PCDHA2: variants seen among roughly 807,000 people sequenced by gnomAD.
The protein encoded by PCDHA2 is protocadherin alpha-2.
In PCDHA2, 58 loss-of-function variants were observed where a neutral mutation model predicts 66.0. The ratio of observed to expected loss-of-function variants is 0.88; its 90% CI spans 0.71 to 1.09. The LOEUF is 1.09. PCDHA2 is among the 50% of genes least tolerant of loss of function. The probability of loss-of-function intolerance (pLI) is 0.00; values close to 1 mark genes in which losing one functional copy is unlikely to be tolerated. For synonymous variants in PCDHA2, 634 were observed against 554.0 expected (o/e 1.14, Z -2.03); for missense variants, 1,267 against 1,242.3 (o/e 1.02, Z -0.30).
chr5:140,868,762 A>G (rs2050634437), intron 1 of PCDHA2: 1 of 233,926 alleles, frequency 4.3e-6, no homozygotes, highest in African/African-American at 2.3e-5. Flanking sequence ...ATATATATTT[A>G]GTTTCAATAT....
chr5:141,009,580 G>A (rs1554262213), intron 3 of PCDHA2, 47 bp from the exon 4 acceptor site: 1 of 1,588,170 alleles, frequency 6.3e-7, no homozygotes, highest in South Asian at 1.2e-5. Flanking sequence ...GTGGCATCAA[G>A]AGCATGTGTT....
Position 140,858,344 on chromosome 5 carries a change from G to A in PCDHA2, c.2388+60992G>A, listed in dbSNP as rs371621182. 1.0e-5 allele frequency: 16 copies of A among 1,595,144 alleles called. No homozygotes were observed. In the East Asian group the frequency reaches 3.6e-4, roughly 36 times the overall value. On this transcript the variant is annotated intron_variant, in intron 1 of 3. Coordinates refer to ENST00000526136, the MANE Select transcript of PCDHA2 (RefSeq NM_018905.3). Reference sequence around the variant, plus strand: ...TTCTGGGGAGGGCCTGCCCAAGGCGGACCTCATGGCCTTCAGCCCCAGCCT... The same window carrying A: ...TTCTGGGGAGGGCCTGCCCAAGGCGAACCTCATGGCCTTCAGCCCCAGCCT...
chr5:140,828,250 G>T, intron 1 of PCDHA2: 5 of 1,613,982 alleles, frequency 3.1e-6, no homozygotes, highest in Non-Finnish European at 4.2e-6. Flanking sequence ...AGGACCTGGG[G>T]CTGGAGCTGG....
intron 1 of PCDHA2, among the ~76,000 whole-genome samples, chr5:140,880,234 G>T (rs560785672): frequency 1.8e-4 from 28 of 152,250 alleles, no homozygotes; most frequent in Non-Finnish European, 2.8e-4. Context: ...TTAAATTAGT[G>T]TATGTGCGTG....
intron 1 of PCDHA2, among the ~76,000 whole-genome samples, chr5:140,904,286 T>A (rs2071021710): frequency 6.6e-6 from 1 of 152,150 alleles, no homozygotes; most frequent in South Asian, 2.1e-4. Context: ...ATGTGGTGTT[T>A]GGTTTTCCAT....
chr5:140,967,903 A>G, intron 1 of PCDHA2: 1 of 1,614,112 alleles, frequency 6.2e-7, no homozygotes, highest in African/African-American at 1.3e-5. Context: ...AGAATGCTAC[A>G]CCCAACACCA....
At chr5:140,948,708 C>T (rs1376587735) in intron 1 of PCDHA2, among the ~76,000 whole-genome samples, 1 of 151,114 alleles carries the variant, frequency 6.6e-6, no homozygotes, top group Non-Finnish European at 1.5e-5. Flanking sequence ...TGTGTTCTAT[C>T]CTCTTTTTTA....
At chr5:140,835,792 C>T in intron 1 of PCDHA2, 6 of 1,613,122 alleles carry the variant, frequency 3.7e-6, no homozygotes, top group African/African-American at 1.3e-5. Context: ...AACAACCCGC[C>T]GGGCTGCCAC....
chr5:140,830,147 G>C, intron 1 of PCDHA2: 1 of 1,613,286 alleles, frequency 6.2e-7, no homozygotes, highest in Non-Finnish European at 8.5e-7. Flanking sequence ...GTCGGTGGGC[G>C]CCGCGGGCCC....
At chr5:140,981,692 T>C (rs1168412872) in intron 2 of PCDHA2, among the ~76,000 whole-genome samples, 1 of 150,826 alleles carries the variant, frequency 6.6e-6, no homozygotes, top group Non-Finnish European at 1.5e-5. Flanking sequence ...CTTCCATCAT[T>C]CATTCATTCA....
At chr5:140,797,845 A>G (rs1311716137) in intron 1 of PCDHA2, among the ~76,000 whole-genome samples, 1 of 150,054 alleles carries the variant, frequency 6.7e-6, no homozygotes, top group Non-Finnish European at 1.5e-5. Context: ...AATAAGCTAC[A>G]TTTTTTTTTT....
intron 1 of PCDHA2, chr5:140,808,827 G>A: frequency 1.2e-6 from 2 of 1,612,876 alleles, no homozygotes; most frequent in South Asian, 1.1e-5. Flanking sequence ...CCTCTGGGCA[G>A]CAACGTGACG....
chr5:140,866,964 C>T (rs1197921114), intron 1 of PCDHA2: 1 of 152,102 alleles, frequency 6.6e-6, no homozygotes, highest in East Asian at 1.9e-4. Flanking sequence ...GAGATGGTGA[C>T]ATCTGAAATA....
intron 3 of PCDHA2, among the ~76,000 whole-genome samples, chr5:140,984,397 G>A (rs1400095442): frequency 1.3e-5 from 2 of 152,112 alleles, no homozygotes; most frequent in African/African-American, 4.8e-5. Context: ...AAAATGTTGA[G>A]AACCTATCTT....
chr5:140,956,189 A>C (rs2095264873), intron 1 of PCDHA2, among the ~76,000 whole-genome samples: 1 of 152,142 alleles, frequency 6.6e-6, no homozygotes, highest in South Asian at 2.1e-4. Context: ...ACTATGCTGA[A>C]TAGGAGTGGT....
At chr5:140,808,543 T>C (rs143191768) in intron 1 of PCDHA2, 21 of 1,613,932 alleles carry the variant, frequency 1.3e-5, no homozygotes, top group Non-Finnish European at 1.7e-5. Flanking sequence ...ACGACAACGC[T>C]CCGGCGTTCG....
At chr5:140,878,550 A>T (rs1483801784) in intron 1 of PCDHA2, among the ~76,000 whole-genome samples, 1 of 152,212 alleles carries the variant, frequency 6.6e-6, no homozygotes, top group African/African-American at 2.4e-5. Flanking sequence ...GTTTCAGATG[A>T]TCCCAAACTT....
intron 1 of PCDHA2, chr5:140,969,129 C>T: frequency 6.2e-7 from 1 of 1,614,144 alleles, no homozygotes; most frequent in Non-Finnish European, 8.5e-7. Context: ...GGCTCCCTCA[C>T]CAAGACCTAC....
At chr5:140,880,687 C>G (rs999356626) in intron 1 of PCDHA2, among the ~76,000 whole-genome samples, 1 of 152,130 alleles carries the variant, frequency 6.6e-6, no homozygotes, top group Non-Finnish European at 1.5e-5. Context: ...AGAGAATAGT[C>G]ATGGTTAAGT....
Sources: gnomAD v4.1 joint callset for allele counts (sites outside exome capture counted in the v4.1 genomes callset) on GRCh38, gnomAD v4.1.1 for gene constraint, MANE v1.5 for transcripts, NCBI Gene and HGNC (gene_info 2026-07-23, HGNC 2026-07-21) for gene names.